NEB: variants seen among roughly 807,000 people sequenced by gnomAD.
NEB encodes the protein nebulin.
In NEB, 512 loss-of-function variants were observed where a neutral mutation model predicts 952.2. That is an observed-to-expected ratio of 0.54 (90% CI 0.50 to 0.58). The LOEUF (loss-of-function observed/expected upper bound fraction) is 0.58, where lower values mean the gene tolerates loss of function less well. Ranked by LOEUF, NEB falls within the 20% of genes least tolerant of loss-of-function variation. The probability of loss-of-function intolerance (pLI) is 0.00; values close to 1 mark genes in which losing one functional copy is unlikely to be tolerated. For missense variants in NEB, 8,428 were observed against 9,231.1 expected (o/e 0.91, Z 3.56); for synonymous variants, 2,900 against 3,149.8 (o/e 0.92, Z 2.66).
chr2:151,552,879 T>G (rs560618706), intron 127 of NEB, 103 bp from the exon 128 acceptor site: 4 of 763,698 alleles, frequency 5.2e-6, no homozygotes, highest in South Asian at 1.6e-5. Context: ...GAGATTTATA[T>G]TCATCAGCAC....
At chr2:151,670,188 C>T (rs1002118064) in intron 38 of NEB, among the ~76,000 whole-genome samples, 24 of 152,176 alleles carry the variant, frequency 1.6e-4, no homozygotes, top group African/African-American at 5.3e-4. Context: ...ATAGAATTAA[C>T]CCTTAGACAT....
chr2:151,563,402 T>C (rs926435479), intron 119 of NEB, among the ~76,000 whole-genome samples: 4 of 152,114 alleles, frequency 2.6e-5, no homozygotes, highest in African/African-American at 7.2e-5. Context: ...CAGTGTTAAA[T>C]AGTCAGGGAG....
At chr2:151,643,109 A>G in intron 58 of NEB, 41 bp downstream of exon 58, 1 of 1,540,760 alleles carries the variant, frequency 6.5e-7, no homozygotes, top group Non-Finnish European at 8.9e-7. Flanking sequence ...TTCCATAAAC[A>G]AAAAAAATTA....
chr2:151,655,932 G>A lies in NEB; in HGVS notation c.6587C>T (p.Thr2196Ile). The change falls in exon 50 of 182, where the codon ACT (threonine) becomes ATT (isoleucine). Residue 2196 changes from threonine to isoleucine, a missense_variant. Physicochemically the swap from Thr to Ile is moderately conservative, Grantham distance 89. This residue lies in a region of NEB where 2,851 missense variants were observed against 2,791.5 expected (regional missense o/e 1.02). Transcript: ENST00000397345. ...GTATTTCTGATCACTGGCATATTCAGTTGCTTTCTTGGCCTTCTCCACTTC... is the reference window on the plus strand; with the variant it reads ...GTATTTCTGATCACTGGCATATTCAATTGCTTTCTTGGCCTTCTCCACTTC... ...SLEVEKAKKATEYASDQKYRQ... is the reference protein window; with the variant it reads ...SLEVEKAKKAIEYASDQKYRQ... 1 of 1,613,774 alleles carries A rather than the reference G, an allele frequency of 6.2e-7. No individual in the cohort carries two copies. The highest frequency in any genetic ancestry group is 8.5e-7 in the Non-Finnish European group (1 of 1,179,804).
intron 126 of NEB, 39 bp downstream of exon 126, chr2:151,553,789 C>T (rs1184684073): frequency 1.2e-5 from 19 of 1,550,314 alleles, no homozygotes; most frequent in Middle Eastern, 4.2e-4. Context: ...GGCCGTGGGG[C>T]GGGGCCGTGG....
At chr2:151,567,146 T>C in intron 114 of NEB, 22 bp downstream of exon 114, 7 of 1,552,464 alleles carry the variant, frequency 4.5e-6, no homozygotes, top group South Asian at 1.2e-5. Context: ...TTCTAGATAA[T>C]GAAGAAACAA....
chr2:151,506,060 A>G, intron 164 of NEB, 106 bp downstream of exon 164: 1 of 967,798 alleles, frequency 1.0e-6, no homozygotes, highest in South Asian at 1.3e-5. Flanking sequence ...TATTTTAGCA[A>G]TATAAGCTGT....
At chr2:151,684,653 C>T (rs759376121) in intron 28 of NEB, 125 bp downstream of exon 28, 5 of 831,994 alleles carry the variant, frequency 6.0e-6, no homozygotes, top group Non-Finnish European at 7.0e-6. Flanking sequence ...CCACAAGGGT[C>T]GTTTGCTTAC....
chr2:151,556,595 A>G (rs1209324116), intron 124 of NEB, among the ~76,000 whole-genome samples: 1 of 152,212 alleles, frequency 6.6e-6, no homozygotes, highest in Non-Finnish European at 1.5e-5. Flanking sequence ...TAAACCAACA[A>G]AGATCAAAAG....
chr2:151,555,026 A>T lies in NEB; in HGVS notation c.19333T>A (p.Tyr6445Asn), dbSNP rs1289786099. 1.2e-6 allele frequency: 2 copies of T among 1,608,210 alleles called. No individual in the cohort carries two copies. Among genetic ancestry groups the T allele is most frequent in the Non-Finnish European group, 1.7e-6 (2 of 1,174,694 alleles). Residue 6445 changes from tyrosine to asparagine, a missense_variant, in exon 125 of 182, where the codon TAT becomes AAT. Around this residue, in one of 11 missense-constraint regions of NEB, gnomAD observed 3,374 missense variants for 3,651.5 expected, o/e 0.92. Coordinates refer to ENST00000397345, the MANE Select transcript of NEB (RefSeq NM_001164508.2). ...GTATAAAGAGCTTTGAACTTTTCAT[A>T]TTCTTCCCGATATTTGATCTATAGA... Reference protein sequence around the residue: ...LASHIKYREEYEKFKALYTLP... With the variant: ...LASHIKYREENEKFKALYTLP...
At position 151,581,469 on chromosome 2, in the gene NEB, G is replaced by C; in HGVS notation, c.16284+14C>G. The C allele has an allele frequency of 2.8e-6, 2 of 708,476 alleles. No homozygotes were observed. Among genetic ancestry groups the C allele is most frequent in the Non-Finnish European group, 4.5e-6 (2 of 445,470 alleles). 43.9% of individuals were successfully genotyped at this position (708,476 alleles called of 1,614,324 possible). ...GAGAGCACTGTGAAAAGCAAATGAT[G>C]TGTGCTGTCTTACATTGCTGATCTG... is the stretch of plus-strand genomic sequence containing the variant. On this transcript the variant is annotated intron_variant, in intron 103 of 181. Coordinates refer to ENST00000397345, the MANE Select transcript of NEB (RefSeq NM_001164508.2).
intron 13 of NEB, among the ~76,000 whole-genome samples, chr2:151,698,887 A>G (rs1234264257): frequency 6.8e-6 from 1 of 146,366 alleles, no homozygotes; most frequent in African/African-American, 2.5e-5. Flanking sequence ...TTTTAATTAT[A>G]CTTTAAGTTT....
At chr2:151,717,596 T>C in intron 9 of NEB, 76 bp from the exon 10 acceptor site, 1 of 1,056,426 alleles carries the variant, frequency 9.5e-7, no homozygotes, top group Non-Finnish European at 1.4e-6. Context: ...TAAATTTTAG[T>C]GTAACATGTT....
At chr2:151,501,341 T>C (rs2064367016) in intron 168 of NEB, 50 bp downstream of exon 168, 1 of 1,240,932 alleles carries the variant, frequency 8.1e-7, no homozygotes, top group East Asian at 2.5e-5. Context: ...TTCTGTTTTG[T>C]AGAAATTATT....
chr2:151,663,295 G>A (rs568081136), intron 45 of NEB, among the ~76,000 whole-genome samples: 7 of 152,238 alleles, frequency 4.6e-5, no homozygotes, highest in African/African-American at 7.2e-5. Context: ...CTGAAATGAA[G>A]TTCCATTTGC....
chr2:151,715,566 G>A (rs1254947002), intron 10 of NEB, among the ~76,000 whole-genome samples: 1 of 152,246 alleles, frequency 6.6e-6, no homozygotes, highest in Non-Finnish European at 1.5e-5. Flanking sequence ...AGAGGAAGAA[G>A]AGGAAGAGAT....
At position 151,690,761 on chromosome 2, in the gene NEB, A is replaced by T; in HGVS notation, c.2276T>A (p.Leu759Ter). ...CTGTTTCGTGTTGAGCTGGGCTTGCAACAGTACAGGAGAATCAGTGACTGC... is the reference window on the plus strand; with the variant it reads ...CTGTTTCGTGTTGAGCTGGGCTTGCTACAGTACAGGAGAATCAGTGACTGC... The part of the protein sequence containing the change: ...FTAVTDSPVL[L>*]QAQLNTKQLS... The change falls in exon 24 of 182, where the codon TTG (leucine) becomes TAG (stop). Residue 759 changes from leucine (L) to a stop codon, truncating the protein, a stop_gained. Transcript: ENST00000397345. LOFTEE classifies it high-confidence loss of function. 1 of 1,599,320 alleles carries T rather than the reference A, an allele frequency of 6.3e-7. No homozygotes were observed. The highest frequency in any genetic ancestry group is 8.5e-7 in the Non-Finnish European group (1 of 1,172,600).
chr2:151,554,793 G>A, intron 125 of NEB, 138 bp downstream of exon 125: 1 of 712,648 alleles, frequency 1.4e-6, no homozygotes, highest in Non-Finnish European at 2.5e-6. Flanking sequence ...CAGGTTTGTA[G>A]TCTAGGAGCA....
Position 151,551,779 on chromosome 2 carries a change from C to G in NEB, c.19903G>C (p.Asp6635His). The G allele has an allele frequency of 6.2e-7, 1 of 1,613,566 alleles. No homozygotes were observed. Among genetic ancestry groups the G allele is most frequent in the Non-Finnish European group, 8.5e-7 (1 of 1,179,690 alleles). ...TATGCATGAAGGGCCCGGTCCAGAT[C>G]CACGGTTTTGGTAGTTGGAGCCACT... Reference protein sequence around the residue: ...GKVAPTTKTVDLDRALHAYKL... With the variant: ...GKVAPTTKTVHLDRALHAYKL... Residue 6635 changes from aspartate to histidine, a missense_variant, in exon 129 of 182, where the codon GAT becomes CAT. This residue lies in a region of NEB where 3,374 missense variants were observed against 3,651.5 expected (regional missense o/e 0.92). Transcript: ENST00000397345.
Sources: allele counts gnomAD v4.1 joint callset (sites outside exome capture counted in the v4.1 genomes callset), GRCh38; gene constraint gnomAD v4.1.1; regional missense constraint gnomAD v4.1.1; transcripts MANE v1.5; gene names NCBI Gene and HGNC (gene_info 2026-07-23, HGNC 2026-07-21).